AP4E1: variants seen among roughly 807,000 people sequenced by gnomAD.
The protein encoded by AP4E1 is adaptor related protein complex 4 subunit epsilon 1.
A neutral mutation model predicts 128.2 loss-of-function variants in AP4E1; 56 were observed. The observed-to-expected ratio is 0.44, with a 90% CI of 0.35 to 0.55. The LOEUF is 0.55. Among genes scored for constraint, AP4E1 ranks in the 20% least tolerant of loss-of-function variants. The pLI, the probability that AP4E1 is intolerant of heterozygous loss-of-function variation, is 0.00. For synonymous variants in AP4E1, 484 were observed against 473.1 expected (o/e 1.02, Z -0.30); for missense variants, 1,324 against 1,307.7 (o/e 1.01, Z -0.19).
chr15:50,914,456 G>A (rs1284691355), intron 2 of AP4E1, among the ~76,000 whole-genome samples: 1 of 151,944 alleles, frequency 6.6e-6, no homozygotes, highest in Non-Finnish European at 1.5e-5. Context: ...TTTGAGACCA[G>A]CCTGGCCAAC....
chr15:50,908,870 CCTT>C lies in AP4E1; in HGVS notation c.95_97del (p.Phe32del). On this transcript the variant is annotated inframe_deletion, in exon 1 of 21. Transcript: ENST00000261842. Reference sequence around the variant, plus strand: ...GGTGGGCCCGCGGCCGCCAAGGCGTCCTTCTCCTCGAGGCTGGGCAGCCTTGTC... The same window carrying C: ...GGTGGGCCCGCGGCCGCCAAGGCGTCCTCCTCGAGGCTGGGCAGCCTTGTC... The C allele has an allele frequency of 2.5e-6, 4 of 1,610,308 alleles. No homozygotes were observed. Among genetic ancestry groups the C allele is most frequent in the Non-Finnish European group, 3.4e-6 (4 of 1,179,156 alleles).
At chr15:50,958,421 G>C in intron 13 of AP4E1, 71 bp from the exon 14 acceptor site, 2 of 1,319,352 alleles carry the variant, frequency 1.5e-6, no homozygotes, top group Non-Finnish European at 2.1e-6. Context: ...TAGGTACTTT[G>C]TTTAGATTTT....
At chr15:50,912,291 T>G in intron 2 of AP4E1, 142 bp downstream of exon 2, 1 of 828,136 alleles carries the variant, frequency 1.2e-6, no homozygotes, top group Non-Finnish European at 2.1e-6. Context: ...GCAACTCAGA[T>G]GTTAACTTTA....
chr15:50,988,403 CT>C (rs34974283), intron 16 of AP4E1, among the ~76,000 whole-genome samples: 64,914 of 151,664 alleles, frequency 0.43, 14,084 homozygotes, highest in East Asian at 0.58. Flanking sequence ...CAACCTCTGC[CT>C]TCTGGGCTCA....
At chr15:50,960,152 G>A (rs1367016438) in intron 14 of AP4E1, among the ~76,000 whole-genome samples, 1 of 152,098 alleles carries the variant, frequency 6.6e-6, no homozygotes, top group Admixed American at 6.6e-5. Flanking sequence ...CAAGAGAGAG[G>A]TAGAACCCCA....
chr15:51,004,418 G>A lies in AP4E1; in HGVS notation c.*1756G>A, dbSNP rs1157223659. The A allele has an allele frequency of 6.6e-6, 1 of 152,236 alleles. No individual in the cohort carries two copies. Among genetic ancestry groups the A allele is most frequent in the Non-Finnish European group, 1.5e-5 (1 of 68,052 alleles). The allele number at this position is 152,236 out of a possible 1,614,324, so 9.4% of individuals were successfully genotyped here. ...ACTTCCCTATGTTTGCCTAGTTACT[G>A]AGGCTAGGTCGAGTGTGAAGCAATA... is the stretch of plus-strand genomic sequence containing the variant. On this transcript the variant is annotated 3_prime_UTR_variant, in exon 21 of 21. Coordinates refer to ENST00000261842, the MANE Select transcript of AP4E1 (RefSeq NM_007347.5).
intron 3 of AP4E1, among the ~76,000 whole-genome samples, chr15:50,921,929 TG>T: frequency 6.6e-6 from 1 of 152,194 alleles, no homozygotes; most frequent in East Asian, 1.9e-4. Flanking sequence ...AGATGGTCTT[TG>T]GATTAGTTTG....
At chr15:50,946,532 A>G (rs1271471351) in intron 10 of AP4E1, among the ~76,000 whole-genome samples, 3 of 152,092 alleles carry the variant, frequency 2.0e-5, no homozygotes, top group Non-Finnish European at 4.4e-5. Flanking sequence ...ATTTGGGTCA[A>G]GTTAAGATAA....
Position 50,949,933 on chromosome 15 carries a change from C to T in AP4E1, c.1424C>T (p.Ala475Val), listed in dbSNP as rs200678853. 183 of 1,610,696 alleles carry T rather than the reference C, an allele frequency of 1.1e-4. No individual in the cohort carries two copies. The South Asian group carries it at 1.2e-3, about 11-fold the overall frequency. Residue 475 changes from alanine (A) to valine (V), a missense_variant, in exon 12 of 21, where the codon GCG (alanine) becomes GTG (valine). Ala to Val is a moderately conservative substitution (Grantham distance 64). Transcript: ENST00000261842. Reference sequence around the variant, plus strand: ...CCCAATAACTTTCTGAGACTACTAGCGGAAGGTTGGTACACTATTATATTC... The same window carrying T: ...CCCAATAACTTTCTGAGACTACTAGTGGAAGGTTGGTACACTATTATATTC... ...DIPNNFLRLL[A>V]EGFDDETEDQ...
At chr15:50,993,707 G>A in intron 17 of AP4E1, 82 bp downstream of exon 17, 1 of 1,557,246 alleles carries the variant, frequency 6.4e-7, no homozygotes, top group South Asian at 1.1e-5. Flanking sequence ...GCTCCTGGCT[G>A]TCGTCTATAT....
intron 16 of AP4E1, among the ~76,000 whole-genome samples, chr15:50,990,619 C>T (rs1201444890): frequency 6.6e-6 from 1 of 152,022 alleles, no homozygotes; most frequent in Non-Finnish European, 1.5e-5. Flanking sequence ...CTCCTGGGCT[C>T]AAGTGATCCG....
intron 4 of AP4E1, among the ~76,000 whole-genome samples, chr15:50,924,447 T>G (rs2063745450): frequency 1.3e-5 from 2 of 152,078 alleles, no homozygotes; most frequent in Non-Finnish European, 2.9e-5. Flanking sequence ...GTAGAGATAA[T>G]AAAAACAATC....
chr15:50,969,246 G>A (rs151262026), intron 15 of AP4E1, among the ~76,000 whole-genome samples: 2 of 152,086 alleles, frequency 1.3e-5, no homozygotes, highest in South Asian at 2.1e-4. Flanking sequence ...ACTTTTAAGC[G>A]AGAACATGCG....
intron 17 of AP4E1, among the ~76,000 whole-genome samples, chr15:50,995,548 G>C (rs550712451): frequency 1.4e-4 from 22 of 151,908 alleles, no homozygotes; most frequent in Admixed American, 4.6e-4. Flanking sequence ...ACCACGCCGA[G>C]CTCATTTTTA....
intron 19 of AP4E1, among the ~76,000 whole-genome samples, chr15:51,000,141 C>CTTT (rs11383470): frequency 6.6e-4 from 80 of 120,786 alleles, no homozygotes; most frequent in African/African-American, 1.4e-3. Context: ...TTTGTTCATT[C>CTTT]TTTTTTTTTT....
chr15:50,985,260 G>A (rs1242817513), intron 16 of AP4E1, among the ~76,000 whole-genome samples: 1 of 152,104 alleles, frequency 6.6e-6, no homozygotes, highest in Non-Finnish European at 1.5e-5. Context: ...TCTGTAGGTT[G>A]CCTGTTCACT....
chr15:50,970,291 A>G (rs1355734064), intron 15 of AP4E1, among the ~76,000 whole-genome samples: 1 of 152,226 alleles, frequency 6.6e-6, no homozygotes, highest in African/African-American at 2.4e-5. Flanking sequence ...TTATGGCTGA[A>G]TAGTATTTCA....
At chr15:50,983,881 A>G in intron 15 of AP4E1, 141 bp from the exon 16 acceptor site, 1 of 733,360 alleles carries the variant, frequency 1.4e-6, no homozygotes, top group Non-Finnish European at 2.2e-6. Flanking sequence ...TAAGTATTTG[A>G]TTAGATCATC....
intron 15 of AP4E1, among the ~76,000 whole-genome samples, chr15:50,969,200 C>T (rs2064441423): frequency 6.6e-6 from 1 of 152,128 alleles, no homozygotes; most frequent in African/African-American, 2.4e-5. Flanking sequence ...TATTGTTTCC[C>T]TCTATGTGTC....
Sources: gnomAD v4.1 joint callset for allele counts (sites outside exome capture counted in the v4.1 genomes callset) on GRCh38, gnomAD v4.1.1 for gene constraint, MANE v1.5 for transcripts, NCBI Gene and HGNC (gene_info 2026-07-23, HGNC 2026-07-21) for gene names.